The following SMYD3 variants were observed in gnomAD, a reference collection of about 807,000 sequenced individuals.
SMYD3 encodes SET and MYND domain containing 3.
SMYD3 carries 36 observed loss-of-function variants against 57.7 expected under a neutral mutation model. The observed-to-expected ratio is 0.62, with a 90% CI of 0.48 to 0.82. The LOEUF (loss-of-function observed/expected upper bound fraction) is 0.82, where lower values mean the gene tolerates loss of function less well. Ranked by LOEUF, SMYD3 falls within the 40% of genes least tolerant of loss-of-function variation. The pLI is 0.00. For missense variants in SMYD3, 515 were observed against 538.8 expected, an observed-to-expected ratio of 0.96 and a Z score of 0.44; for synonymous variants, 211 against 195.0, an observed-to-expected ratio of 1.08 and a Z score of -0.68.
chr1:246,141,522 C>T (rs1264304796), intron 5 of SMYD3, among the ~76,000 whole-genome samples: 4 of 152,144 alleles, frequency 2.6e-5, no homozygotes, highest in Non-Finnish European at 5.9e-5. Context: ...GTCCTCAATT[C>T]TCTCCTTCAC....
chr1:246,422,212 T>C (rs1051900652), intron 1 of SMYD3, among the ~76,000 whole-genome samples: 2 of 152,108 alleles, frequency 1.3e-5, no homozygotes, highest in Non-Finnish European at 2.9e-5. Context: ...CTACTACATA[T>C]TTAACCTGAT....
At chr1:246,270,701 C>T (rs547200263) in intron 5 of SMYD3, among the ~76,000 whole-genome samples, 1 of 152,176 alleles carries the variant, frequency 6.6e-6, no homozygotes, top group South Asian at 2.1e-4. Flanking sequence ...TATGTATGTA[C>T]CACATTTTGT....
intron 5 of SMYD3, among the ~76,000 whole-genome samples, chr1:246,256,228 A>C (rs2063891544): frequency 6.6e-6 from 1 of 151,814 alleles, no homozygotes; most frequent in Non-Finnish European, 1.5e-5. Flanking sequence ...CTTTTTCATG[A>C]TTTTCTGCCT....
intron 7 of SMYD3, among the ~76,000 whole-genome samples, chr1:245,916,737 T>C (rs1179861540): frequency 1.3e-5 from 2 of 152,144 alleles, no homozygotes; most frequent in African/African-American, 4.8e-5. Context: ...TCTCTGATTC[T>C]TTCTCCAGGC....
At chr1:246,194,109 T>C (rs947315033) in intron 5 of SMYD3, among the ~76,000 whole-genome samples, 1 of 152,236 alleles carries the variant, frequency 6.6e-6, no homozygotes, top group Non-Finnish European at 1.5e-5. Flanking sequence ...ATTTAAGAGG[T>C]ACATGAGCAA....
At chr1:246,464,167 G>C (rs900984511) in intron 1 of SMYD3, among the ~76,000 whole-genome samples, 1 of 152,082 alleles carries the variant, frequency 6.6e-6, no homozygotes, top group Non-Finnish European at 1.5e-5. Context: ...AGACAATATA[G>C]CATGTTTAAG....
chr1:246,150,096 A>G (rs183535382), intron 5 of SMYD3, among the ~76,000 whole-genome samples: 43 of 152,386 alleles, frequency 2.8e-4, no homozygotes, highest in African/African-American at 8.9e-4. Flanking sequence ...CATCACAGTA[A>G]CATTTGGCAT....
intron 5 of SMYD3, among the ~76,000 whole-genome samples, chr1:246,199,094 G>A (rs10737786): frequency 0.23 from 34,196 of 151,884 alleles, 4,606 homozygotes; most frequent in East Asian, 0.58. Context: ...AGTACCCAAT[G>A]GGTAGTTTTT....
chr1:245,810,456 T>C (rs993435180), intron 10 of SMYD3, among the ~76,000 whole-genome samples: 2 of 152,178 alleles, frequency 1.3e-5, no homozygotes, highest in African/African-American at 2.4e-5. Context: ...ACAGATGGCA[T>C]TGGTACTGGC....
intron 5 of SMYD3, among the ~76,000 whole-genome samples, chr1:246,210,307 G>C (rs1316828506): frequency 6.6e-6 from 1 of 152,176 alleles, no homozygotes; most frequent in African/African-American, 2.4e-5. Flanking sequence ...CAACGTAAGA[G>C]ATGCCAAGCT....
chr1:246,044,801 G>C (rs1268038681), intron 5 of SMYD3, among the ~76,000 whole-genome samples: 7 of 152,146 alleles, frequency 4.6e-5, no homozygotes, highest in Admixed American at 2.0e-4. Context: ...CAGACTTAAT[G>C]CTCAGTGGTG....
chr1:246,444,196 C>G (rs770358931), intron 1 of SMYD3, among the ~76,000 whole-genome samples: 19 of 151,244 alleles, frequency 1.3e-4, no homozygotes, highest in South Asian at 2.1e-4. Flanking sequence ...GCTTGATCTC[C>G]GCTCACTGAA....
Position 246,238,262 on chromosome 1 carries a change from C to G in SMYD3, c.531+88939G>C, listed in dbSNP as rs571330724. ...CCCAGGCTGCACTCGAACTCCTGAG[C>G]TCAAGCAATCTGCCCGCCTGAGCTT... is the stretch of plus-strand genomic sequence containing the variant. On this transcript the variant is annotated intron_variant, in intron 5 of 11. Coordinates refer to ENST00000490107, the MANE Select transcript of SMYD3 (RefSeq NM_001167740.2). 2.0e-5 allele frequency among the ~76,000 whole-genome samples: 3 copies of G among 152,252 alleles called. No individual in the cohort carries two copies. The South Asian group carries it at 6.2e-4, about 32-fold the overall frequency.
chr1:245,801,618 G>A (rs889495280), intron 10 of SMYD3, among the ~76,000 whole-genome samples: 2 of 151,960 alleles, frequency 1.3e-5, no homozygotes, highest in Non-Finnish European at 2.9e-5. Context: ...CAATGATTTC[G>A]ATTTTGTAGG....
At chr1:246,334,923 A>C (rs1161073189) in intron 3 of SMYD3, among the ~76,000 whole-genome samples, 1 of 152,144 alleles carries the variant, frequency 6.6e-6, no homozygotes, top group Non-Finnish European at 1.5e-5. Flanking sequence ...GTTACAGTGA[A>C]ATCATTTGCG....
At chr1:246,214,673 A>G (rs1412891703) in intron 5 of SMYD3, among the ~76,000 whole-genome samples, 1 of 152,172 alleles carries the variant, frequency 6.6e-6, no homozygotes, top group African/African-American at 2.4e-5. Context: ...GTTCTGCCCT[A>G]TCCAGCATTT....
intron 1 of SMYD3, among the ~76,000 whole-genome samples, chr1:246,411,019 C>A (rs1328200276): frequency 3.9e-4 from 1 of 2,574 alleles, no homozygotes; most frequent in Non-Finnish European, 3.3e-3. Flanking sequence ...TGGTGATATC[C>A]CCTTTATTTT....
At chr1:246,108,109 A>G (rs1397621585) in intron 5 of SMYD3, among the ~76,000 whole-genome samples, 1 of 152,338 alleles carries the variant, frequency 6.6e-6, no homozygotes, top group East Asian at 1.9e-4. Context: ...TTAAGAAACA[A>G]AGGTCTTCTT....
intron 5 of SMYD3, among the ~76,000 whole-genome samples, chr1:246,041,522 G>C (rs2059872555): frequency 6.6e-6 from 1 of 152,150 alleles, no homozygotes; most frequent in Non-Finnish European, 1.5e-5. Flanking sequence ...GAAAGTCTCT[G>C]TGTGTGTGTG....
Sources: allele counts gnomAD v4.1 joint callset (sites outside exome capture counted in the v4.1 genomes callset), GRCh38; gene constraint gnomAD v4.1.1; transcripts MANE v1.5; gene names NCBI Gene and HGNC (gene_info 2026-07-23, HGNC 2026-07-21).